Variants in SORCS3 observed in about 807,000 individuals in gnomAD.
SORCS3 encodes the protein sortilin related VPS10 domain containing receptor 3.
Under a neutral mutation model 146.3 loss-of-function variants are expected in SORCS3, and 57 were observed. That is an observed-to-expected ratio of 0.39 (90% confidence interval 0.31 to 0.49). SORCS3 has a LOEUF of 0.49. Among genes scored for constraint, SORCS3 ranks in the 20% least tolerant of loss-of-function variants. SORCS3 has a pLI of 0.92. For synonymous variants in SORCS3, 653 were observed against 618.5 expected (o/e 1.06, Z -0.83); for missense variants, 1,341 against 1,575.5 (o/e 0.85, Z 2.52).
intron 1 of SORCS3, among the ~76,000 whole-genome samples, chr10:104,790,107 G>T (rs1376576442): frequency 6.6e-6 from 1 of 152,202 alleles, no homozygotes; most frequent in African/African-American, 2.4e-5. Flanking sequence ...AAGCACCAAG[G>T]TGCAGACCAT....
At chr10:104,978,470 A>G (rs1258740955) in intron 4 of SORCS3, among the ~76,000 whole-genome samples, 1 of 152,230 alleles carries the variant, frequency 6.6e-6, no homozygotes, top group Non-Finnish European at 1.5e-5. Flanking sequence ...TATTCTAGAA[A>G]TGAACTGGAG....
intron 5 of SORCS3, among the ~76,000 whole-genome samples, chr10:105,067,582 G>A (rs1330871612): frequency 6.6e-6 from 1 of 152,106 alleles, no homozygotes; most frequent in Non-Finnish European, 1.5e-5. Flanking sequence ...TTTCCTGTTT[G>A]CCTCCTTTTC....
At chr10:105,096,888 T>C (rs1045807064) in intron 6 of SORCS3, among the ~76,000 whole-genome samples, 2 of 152,258 alleles carry the variant, frequency 1.3e-5, no homozygotes, top group Admixed American at 1.3e-4. Context: ...TGATAATTTT[T>C]ATATTGATGA....
In SORCS3 at chr10:104,641,467, C is replaced by A. The variant is rs1184956286; in HGVS notation, c.140C>A (p.Ala47Glu). 2.7e-6 allele frequency: 4 copies of A among 1,466,688 alleles called. No individual in the cohort carries two copies. The highest frequency in any genetic ancestry group is 2.6e-5 in the South Asian group (2 of 76,858). 90.9% of individuals were successfully genotyped at this position (1,466,688 alleles called of 1,614,324 possible). A position where few individuals can be genotyped will look rare whatever the true frequency, so the allele number is the denominator to read the frequency against. ...GCGACAGGCGGTCCCGGACGCCCGG[C>A]GGCCCCGGCTTCGCGGCCACCGGCG... ...WDATGGPGRP[A>E]APASRPPALS... Residue 47 changes from alanine to glutamate, a missense_variant, in exon 1 of 27, where the codon GCG (alanine) becomes GAG (glutamate). Transcript: ENST00000369701. The surrounding 1 kb of genome is among the most constrained non-coding windows in gnomAD (Gnocchi z 6.4).
intron 2 of SORCS3, among the ~76,000 whole-genome samples, chr10:104,882,845 G>A (rs1388722718): frequency 6.6e-6 from 1 of 152,164 alleles, no homozygotes; most frequent in Non-Finnish European, 1.5e-5. Flanking sequence ...ACTAGAAAAA[G>A]GAATGCTAAT....
intron 22 of SORCS3, among the ~76,000 whole-genome samples, chr10:105,250,040 G>GT (rs1458586278): frequency 6.6e-6 from 1 of 152,168 alleles, no homozygotes; most frequent in Non-Finnish European, 1.5e-5. Flanking sequence ...AGGCGGAGAA[G>GT]TACAAGATCA....
At chr10:104,968,278 G>A (rs923255589) in intron 3 of SORCS3, among the ~76,000 whole-genome samples, 11 of 152,238 alleles carry the variant, frequency 7.2e-5, no homozygotes, top group African/African-American at 2.4e-4. Context: ...ACCACACCCG[G>A]CTAATTTTTG....
In SORCS3 at chr10:104,641,692, C is replaced by T; in HGVS notation, c.365C>T (p.Pro122Leu). The T allele has an allele frequency of 1.3e-6, 2 of 1,534,494 alleles. No individual in the cohort carries two copies. Among genetic ancestry groups the T allele is most frequent in the Non-Finnish European group, 8.7e-7 (1 of 1,143,124 alleles). The change falls in exon 1 of 27, where the codon CCT (proline) becomes CTT (leucine). Residue 122 changes from proline to leucine, a missense_variant. Physicochemically the swap from Pro to Leu is moderately conservative, Grantham distance 98 (BLOSUM62 -3). Transcript: ENST00000369701. This position sits in a 1 kb window ranked among gnomAD's most constrained non-coding sequence, Gnocchi z 6.4. ...CGGCGGGGCCGGGGCATCCCAGCTC[C>T]TGCCAAGCTTGGCGGCGCGAGGAGG... ...GERRGRGIPA[P>L]AKLGGARRSR...
intron 1 of SORCS3, among the ~76,000 whole-genome samples, chr10:104,730,869 C>T (rs958436566): frequency 6.6e-6 from 1 of 152,198 alleles, no homozygotes; most frequent in Admixed American, 6.5e-5. Context: ...CCCATGATTC[C>T]ATTATCTCCA....
chr10:105,113,307 T>C (rs2055871327), intron 7 of SORCS3, among the ~76,000 whole-genome samples: 1 of 152,210 alleles, frequency 6.6e-6, no homozygotes, highest in Non-Finnish European at 1.5e-5. Context: ...GTGATGCACA[T>C]ATTTAATGTG....
At chr10:104,684,891 C>T (rs935050184) in intron 1 of SORCS3, among the ~76,000 whole-genome samples, 14 of 138,504 alleles carry the variant, frequency 1.0e-4, no homozygotes, top group African/African-American at 3.8e-4. Context: ...GATCTCAGCT[C>T]ACTGCAACCT....
rs1367477933 is a variant in SORCS3 at position 104,788,499 on chromosome 10, G to C, written c.628-54293G>C. Among the ~76,000 whole-genome samples the C allele has an allele frequency of 4.6e-5, 7 of 152,248 alleles. No individual in the cohort carries two copies. The East Asian group carries it at 1.4e-3, about 29-fold the overall frequency. On this transcript the variant is annotated intron_variant, in intron 1 of 26. Transcript: ENST00000369701. The stretch of plus-strand genomic sequence containing the variant: ...GTAAATACATACTTTGCATCTACAA[G>C]GATGATCTCTGGGAGAGTTCATAAG...
At position 104,906,178 on chromosome 10, in the gene SORCS3, T is replaced by C. The variant is rs555351995; in HGVS notation, c.696-9655T>C. ...ATTTATTTTTTAGACAGTGATGCCTTGCTAAAACTGTCCAGCACCTGCTAG... is the reference window on the plus strand; with the variant it reads ...ATTTATTTTTTAGACAGTGATGCCTCGCTAAAACTGTCCAGCACCTGCTAG... On this transcript the variant is annotated intron_variant, in intron 2 of 26. Coordinates refer to ENST00000369701, the MANE Select transcript of SORCS3 (RefSeq NM_014978.3). 2.6e-5 allele frequency among the ~76,000 whole-genome samples: 4 copies of C among 152,364 alleles called. No homozygotes were observed. The East Asian group carries it at 7.7e-4, about 29-fold the overall frequency.
intron 3 of SORCS3, among the ~76,000 whole-genome samples, chr10:104,960,806 G>A (rs1419450218): frequency 2.6e-5 from 4 of 152,192 alleles, no homozygotes; most frequent in Admixed American, 2.0e-4. Flanking sequence ...AGAATTTAAG[G>A]TCCAATGGAA....
chr10:104,677,638 C>G (rs916855291), intron 1 of SORCS3, among the ~76,000 whole-genome samples: 3 of 152,088 alleles, frequency 2.0e-5, no homozygotes, highest in African/African-American at 7.2e-5. Context: ...CATTAAACAC[C>G]CTTTGGTCCC....
Position 105,242,024 on chromosome 10 carries a change from G to A in SORCS3, c.2869-3518G>A, listed in dbSNP as rs192852540. Among the ~76,000 whole-genome samples the A allele has an allele frequency of 4.3e-3, 660 of 151,950 alleles. 8 individuals are homozygous for A. Among genetic ancestry groups the A allele is most frequent in the African/African-American group, 0.015 (607 of 41,456 alleles). On this transcript the variant is annotated intron_variant, in intron 20 of 26. Transcript: ENST00000369701. ...TAACTTGGCTTTCAGGCTTTAAACC[G>A]TCTTTAGCTTGGAGGTGGGGTTTCA...
At chr10:104,747,165 C>A (rs2016920896) in intron 1 of SORCS3, among the ~76,000 whole-genome samples, 1 of 152,162 alleles carries the variant, frequency 6.6e-6, no homozygotes, top group Non-Finnish European at 1.5e-5. Context: ...TCAGTCTGAA[C>A]CTCCCCCATC....
At chr10:104,696,235 C>G (rs2016185452) in intron 1 of SORCS3, among the ~76,000 whole-genome samples, 1 of 121,466 alleles carries the variant, frequency 8.2e-6, no homozygotes, top group African/African-American at 3.3e-5. Context: ...TAATATATAT[C>G]ATATACACAT....
chr10:104,842,284 AGGTATTTATGCCT>A (rs1289798597), intron 1 of SORCS3, among the ~76,000 whole-genome samples: 2 of 152,214 alleles, frequency 1.3e-5, no homozygotes, highest in Admixed American at 1.3e-4. Context: ...GTCTGCATTC[AGGTATTTATGCCT>A]GCCAAGGCCC....
Sources: allele counts gnomAD v4.1 joint callset (sites outside exome capture counted in the v4.1 genomes callset), GRCh38; gene constraint gnomAD v4.1.1; non-coding constraint Gnocchi (gnomAD v3.1); transcripts MANE v1.5; gene names NCBI Gene and HGNC (gene_info 2026-07-23, HGNC 2026-07-21).